The following P2RX3 variants were observed in gnomAD, a reference collection of about 807,000 sequenced individuals.
P2RX3 encodes the protein P2X purinoceptor 3.
In P2RX3, 41 loss-of-function variants were observed where a neutral mutation model predicts 51.5. The ratio of observed to expected loss-of-function variants is 0.80; its 90% confidence interval spans 0.62 to 1.03. The LOEUF is 1.03. Among genes scored for constraint, P2RX3 ranks in the 50% least tolerant of loss-of-function variants. The pLI, the probability that P2RX3 is intolerant of heterozygous loss-of-function variation, is 0.00. For missense variants in P2RX3, 459 were observed against 522.1 expected (o/e 0.88, Z 1.18); for synonymous variants, 185 against 191.6 (o/e 0.97, Z 0.29).
intron 8 of P2RX3, among the ~76,000 whole-genome samples, chr11:57,362,853 G>T (rs767203565): frequency 1.1e-4 from 16 of 152,266 alleles, no homozygotes; most frequent in Non-Finnish European, 2.2e-4. Flanking sequence ...ACAGTGTCGG[G>T]TCACAGAGGA....
At chr11:57,342,423 G>T (rs1856358055) in intron 1 of P2RX3, among the ~76,000 whole-genome samples, 1 of 152,018 alleles carries the variant, frequency 6.6e-6, no homozygotes, top group African/African-American at 2.4e-5. Context: ...GCCTCCCAAA[G>T]TGCAGGGATT....
In P2RX3 at chr11:57,345,968, G is replaced by A. The variant is rs555711185; in HGVS notation, c.120-576G>A. On this transcript the variant is annotated intron_variant, in intron 1 of 11. Transcript: ENST00000263314. Reference sequence around the variant, plus strand: ...TCCTCTGTTCTCATCTGACACCTGGGCAGATAGATTCTGCCAAGCACCGAG... The same window carrying A: ...TCCTCTGTTCTCATCTGACACCTGGACAGATAGATTCTGCCAAGCACCGAG... Among the ~76,000 whole-genome samples the A allele has an allele frequency of 5.9e-5, 9 of 151,958 alleles. No homozygotes were observed. In the South Asian group the frequency reaches 6.3e-4, roughly 11 times the overall value.
intron 4 of P2RX3, 53 bp downstream of exon 4, chr11:57,347,531 G>A (rs1289397532): frequency 6.5e-7 from 1 of 1,533,994 alleles, no homozygotes; most frequent in Admixed American, 2.0e-5. Context: ...TGGGACCCAT[G>A]GGGGAGAGCC....
chr11:57,350,765 G>T lies in P2RX3; in HGVS notation c.709G>T (p.Gly237Ter). 4 of 1,613,986 alleles carry T rather than the reference G, an allele frequency of 2.5e-6. No individual in the cohort carries two copies. The highest frequency in any genetic ancestry group is 3.4e-6 in the Non-Finnish European group (4 of 1,179,976). ...CATACCCGGCCCGTTTCTTCAGGGG[G>T]GAGTTCTGGGCATTAAGATCGGCTG... Reference protein sequence around the residue: ...QDFAKLARTGGVLGIKIGWVC... With the variant: ...QDFAKLARTG Residue 237 changes from glycine (G) to a stop codon, truncating the protein, a stop_gained, in exon 8 of 12, where the codon GGA becomes TGA. Transcript: ENST00000263314. LOFTEE classifies it high-confidence loss of function.
At chr11:57,361,416 A>G (rs1161493943) in intron 8 of P2RX3, among the ~76,000 whole-genome samples, 2 of 152,072 alleles carry the variant, frequency 1.3e-5, no homozygotes, top group Non-Finnish European at 2.9e-5. Flanking sequence ...CCCCACATGC[A>G]TTAGCTATTT....
intron 8 of P2RX3, among the ~76,000 whole-genome samples, chr11:57,366,986 GT>G (rs1856807780): frequency 6.6e-6 from 1 of 152,206 alleles, no homozygotes; most frequent in African/African-American, 2.4e-5. Flanking sequence ...TTCGACATGA[GT>G]TTTGGATGAG....
intron 6 of P2RX3, among the ~76,000 whole-genome samples, 199 bp from the exon 7 acceptor site, chr11:57,349,558 A>T (rs1364210779): frequency 6.6e-6 from 1 of 151,958 alleles, no homozygotes; most frequent in Non-Finnish European, 1.5e-5. Context: ...GACATACATC[A>T]CCCTGATACA....
At chr11:57,365,542 G>C (rs976742137) in intron 8 of P2RX3, among the ~76,000 whole-genome samples, 1 of 152,206 alleles carries the variant, frequency 6.6e-6, no homozygotes, top group Admixed American at 6.5e-5. Flanking sequence ...GCACAGAAGG[G>C]ACAGAGAATG....
intron 1 of P2RX3, among the ~76,000 whole-genome samples, chr11:57,339,949 A>G (rs73472549): frequency 0.011 from 1,721 of 152,326 alleles, 30 homozygotes; most frequent in African/African-American, 0.039. Flanking sequence ...AGGCTGTACC[A>G]TCCAGTGCTC....
chr11:57,367,286 C>T (rs893981737), intron 8 of P2RX3, among the ~76,000 whole-genome samples: 1 of 152,138 alleles, frequency 6.6e-6, no homozygotes, highest in Non-Finnish European at 1.5e-5. Flanking sequence ...AGTCAGTAAG[C>T]GGCAGAGCCA....
At position 57,346,504 on chromosome 11, in the gene P2RX3, G is replaced by C. The variant is rs777705209; in HGVS notation, c.120-40G>C. 3.1e-6 allele frequency: 5 copies of C among 1,608,010 alleles called. No homozygotes were observed. The South Asian group carries it at 4.4e-5, about 14-fold the overall frequency. On this transcript the variant is annotated intron_variant, in intron 1 of 11. Transcript: ENST00000263314. ...CCAGCTTCTGTCTGCTGGGTCTATG[G>C]ACTCCTCTCTTTCTCTTCATTTATG...
chr11:57,349,687 G>A, intron 6 of P2RX3, 70 bp from the exon 7 acceptor site: 2 of 1,597,980 alleles, frequency 1.3e-6, no homozygotes, highest in Non-Finnish European at 1.7e-6. Flanking sequence ...GCTCCGGAAG[G>A]CGGGGAGAGA....
chr11:57,346,678 A>G lies in P2RX3; in HGVS notation c.254A>G (p.Gln85Arg). 6.2e-6 allele frequency: 10 copies of G among 1,613,650 alleles called. No individual in the cohort carries two copies. The highest frequency in any genetic ancestry group is 8.5e-6 in the Non-Finnish European group (10 of 1,179,990). The change falls in exon 2 of 12, where the codon CAG (glutamine) becomes CGG (arginine). Residue 85 changes from glutamine to arginine, a missense_variant and splice_region_variant. By Grantham distance (43) the Gln-to-Arg change is conservative. Coordinates refer to ENST00000263314, the MANE Select transcript of P2RX3 (RefSeq NM_002559.5). ...GTGTCTGATTACGTGACGCCACCTC[A>G]GGTATGGTACCCCTACCCAGAGAGG... ...MDVSDYVTPP[Q>R]GTSVFVIITK... is the part of the protein sequence containing the mutation.
At chr11:57,339,172 T>A (rs1463496241) in intron 1 of P2RX3, among the ~76,000 whole-genome samples, 1 of 152,058 alleles carries the variant, frequency 6.6e-6, no homozygotes, top group South Asian at 2.1e-4. Flanking sequence ...GAGAACTGGA[T>A]CTGTTTTAGA....
At chr11:57,353,837 T>TCCCCCCCCCCC (rs3837409) in intron 8 of P2RX3, among the ~76,000 whole-genome samples, 1 of 120,910 alleles carries the variant, frequency 8.3e-6, no homozygotes, top group Non-Finnish European at 1.7e-5. Flanking sequence ...CAAATGTCAC[T>TCCCCCCCCCCC]CCCCCCCCCC....
At position 57,346,608 on chromosome 11, in the gene P2RX3, A is replaced by G; in HGVS notation, c.184A>G (p.Thr62Ala). Residue 62 changes from threonine (T) to alanine (A), a missense_variant, in exon 2 of 12, where the codon ACC becomes GCC. Physicochemically the swap from Thr to Ala is moderately conservative, Grantham distance 58. Coordinates refer to ENST00000263314, the MANE Select transcript of P2RX3 (RefSeq NM_002559.5). ...CACAGCCATTGAGTCCTCGGTGGTAACCAAGGTGAAGGGCTCCGGACTCTA... is the reference window on the plus strand; with the variant it reads ...CACAGCCATTGAGTCCTCGGTGGTAGCCAAGGTGAAGGGCTCCGGACTCTA... Reference protein sequence around the residue: ...RDTAIESSVVTKVKGSGLYAN... With the variant: ...RDTAIESSVVAKVKGSGLYAN... 1.2e-6 allele frequency: 2 copies of G among 1,614,204 alleles called. No individual in the cohort carries two copies. The highest frequency in any genetic ancestry group is 8.5e-7 in the Non-Finnish European group (1 of 1,180,024).
chr11:57,361,500 G>A (rs921456451), intron 8 of P2RX3, among the ~76,000 whole-genome samples: 5 of 152,074 alleles, frequency 3.3e-5, no homozygotes, highest in Non-Finnish European at 7.3e-5. Flanking sequence ...GTATCCATGT[G>A]TTCTCATTGT....
At chr11:57,360,969 G>A (rs1277792588) in intron 8 of P2RX3, among the ~76,000 whole-genome samples, 1 of 152,142 alleles carries the variant, frequency 6.6e-6, no homozygotes, top group Non-Finnish European at 1.5e-5. Context: ...CATGCCCCTG[G>A]TTTGTAGCAT....
chr11:57,342,274 C>T (rs1856355600), intron 1 of P2RX3, among the ~76,000 whole-genome samples: 1 of 150,770 alleles, frequency 6.6e-6, no homozygotes, highest in Admixed American at 6.7e-5. Flanking sequence ...ACTCTCCTGC[C>T]TCAGCCTCCC....
Sources: gnomAD v4.1 joint callset for allele counts (sites outside exome capture counted in the v4.1 genomes callset) on GRCh38, gnomAD v4.1.1 for gene constraint, MANE v1.5 for transcripts, NCBI Gene and HGNC (gene_info 2026-07-23, HGNC 2026-07-21) for gene names.